Variants in MEI1 observed in about 807,000 individuals in gnomAD.
MEI1 encodes meiotic double-stranded break formation protein 1, also known as meiosis inhibitor protein 1.
MEI1 carries 103 observed loss-of-function variants against 146.2 expected under a neutral mutation model. That is an observed-to-expected ratio of 0.70 (90% CI 0.60 to 0.83). The LOEUF (loss-of-function observed/expected upper bound fraction) is 0.83. MEI1 is among the 40% of genes least tolerant of loss of function. The probability of loss-of-function intolerance (pLI) is 0.00; values close to 1 mark genes in which losing one functional copy is unlikely to be tolerated. For missense variants in MEI1, 1,529 were observed against 1,533.0 expected (o/e 1.00, Z 0.04); for synonymous variants, 652 against 628.2 (o/e 1.04, Z -0.57).
chr22:41,736,254 CTT>C (rs11308919), intron 11 of MEI1, among the ~76,000 whole-genome samples: 36 of 131,488 alleles, frequency 2.7e-4, no homozygotes, highest in South Asian at 9.4e-4. Context: ...TTTTCTTTTT[CTT>C]TTTTTTTTTT....
At chr22:41,736,335 T>C (rs2072363162) in intron 11 of MEI1, among the ~76,000 whole-genome samples, 2 of 151,604 alleles carry the variant, frequency 1.3e-5, no homozygotes, top group Admixed American at 6.6e-5. Flanking sequence ...CTGCAAGTTG[T>C]GCCTCCCGGG....
At position 41,778,787 on chromosome 22, in the gene MEI1, C is replaced by T. The variant is rs778688081; in HGVS notation, c.2790C>T (p.Ser930=). Residue 930 remains serine, a synonymous_variant, in exon 22 of 31, where the codon AGC becomes AGT. Coordinates refer to ENST00000401548, the MANE Select transcript of MEI1 (RefSeq NM_152513.4). The part of the protein sequence containing the change: ...LRNVSEQELD[S]VAMKLLHQVS... ...ATGTGTCAGAGCAAGAACTGGACAGCGTGGCCATGAAGCTCCTTCACCAAG... is the reference window on the plus strand; with the variant it reads ...ATGTGTCAGAGCAAGAACTGGACAGTGTGGCCATGAAGCTCCTTCACCAAG... 17 of 1,606,432 alleles carry T rather than the reference C, an allele frequency of 1.1e-5. No homozygotes were observed. Among genetic ancestry groups the T allele is most frequent in the South Asian group, 3.4e-5 (3 of 89,204 alleles).
intron 15 of MEI1, 59 bp downstream of exon 15, chr22:41,748,277 G>C: frequency 2.8e-6 from 3 of 1,083,434 alleles, no homozygotes; most frequent in Non-Finnish European, 4.3e-6. Flanking sequence ...GCAATGCTCA[G>C]AGAGTATTCA....
intron 6 of MEI1, among the ~76,000 whole-genome samples, chr22:41,721,879 C>G (rs936031316): frequency 6.6e-6 from 1 of 151,532 alleles, no homozygotes. Flanking sequence ...TGCTACCATG[C>G]CCGACTAATT....
chr22:41,704,405 A>G (rs1456408998), intron 2 of MEI1, among the ~76,000 whole-genome samples: 1 of 147,200 alleles, frequency 6.8e-6, no homozygotes, highest in Non-Finnish European at 1.5e-5. Context: ...CGCATTGACA[A>G]TTCTTACCCT....
chr22:41,758,216 A>G (rs754088384), intron 17 of MEI1, 149 bp from the exon 18 acceptor site: 44 of 613,948 alleles, frequency 7.2e-5, no homozygotes, highest in Non-Finnish European at 1.0e-4. Context: ...GCTCAAAGGA[A>G]GAGGAGCCTC....
chr22:41,710,505 A>T (rs577894216), intron 3 of MEI1, among the ~76,000 whole-genome samples: 1 of 152,342 alleles, frequency 6.6e-6, no homozygotes, highest in Admixed American at 6.5e-5. Context: ...TATATACCAC[A>T]TGGAAGATAG....
rs542600770 is a variant in MEI1, at chr22:41,779,947, C to T, written c.2815+1135C>T. Among the ~76,000 whole-genome samples the T allele has an allele frequency of 3.3e-5, 5 of 152,236 alleles. No individual in the cohort carries two copies. The South Asian group carries it at 1.0e-3, about 32-fold the overall frequency. ...TGACATGTCTTCAGTGTTTGTGGAC[C>T]CCCCAGCTCCTGTAGCCACAGGTGA... On this transcript the variant is annotated intron_variant, in intron 22 of 30. Coordinates refer to ENST00000401548, the MANE Select transcript of MEI1 (RefSeq NM_152513.4).
At chr22:41,799,145 C>A in intron 30 of MEI1, 109 bp from the exon 31 acceptor site, 1 of 953,394 alleles carries the variant, frequency 1.0e-6, no homozygotes, top group Non-Finnish European at 1.6e-6. Context: ...TTCTCAGGAG[C>A]ACTTCTGTTC....
At chr22:41,713,969 C>G in intron 3 of MEI1, 33 bp from the exon 4 acceptor site, 3 of 1,556,276 alleles carry the variant, frequency 1.9e-6, no homozygotes, top group Non-Finnish European at 2.6e-6. Context: ...TTGGGGGTGC[C>G]TCCTGGTTAG....
chr22:41,700,304 C>G (rs139520163), intron 1 of MEI1, among the ~76,000 whole-genome samples: 2 of 152,316 alleles, frequency 1.3e-5, no homozygotes, highest in East Asian at 1.9e-4. Flanking sequence ...CTGCCTGGGT[C>G]CTCATTGCCT....
chr22:41,743,006 T>C, intron 11 of MEI1, 74 bp from the exon 12 acceptor site: 1 of 1,020,954 alleles, frequency 9.8e-7, no homozygotes, highest in South Asian at 1.4e-5. Flanking sequence ...TGCCTCTCAT[T>C]GCCTGAGAAC....
intron 6 of MEI1, among the ~76,000 whole-genome samples, chr22:41,723,042 C>T (rs1168051306): frequency 6.6e-6 from 1 of 152,134 alleles, no homozygotes; most frequent in Non-Finnish European, 1.5e-5. Context: ...AATACTTCTC[C>T]CCACTTCACC....
intron 3 of MEI1, among the ~76,000 whole-genome samples, chr22:41,712,888 A>G (rs551011070): frequency 1.4e-5 from 2 of 147,998 alleles, no homozygotes; most frequent in South Asian, 4.3e-4. Flanking sequence ...GGCTCACTAC[A>G]AACTCCACCT....
At chr22:41,705,127 A>G (rs752923256) in intron 2 of MEI1, among the ~76,000 whole-genome samples, 9 of 151,450 alleles carry the variant, frequency 5.9e-5, no homozygotes, top group Admixed American at 5.9e-4. Flanking sequence ...AGAATTTACA[A>G]TGTGCCTGTG....
At chr22:41,728,023 G>A (rs191395042) in intron 7 of MEI1, among the ~76,000 whole-genome samples, 3 of 152,128 alleles carry the variant, frequency 2.0e-5, no homozygotes, top group South Asian at 2.1e-4. Context: ...TTCCAGGACC[G>A]CCGGCATATA....
chr22:41,717,032 C>T (rs902277403), intron 5 of MEI1, among the ~76,000 whole-genome samples: 12 of 151,932 alleles, frequency 7.9e-5, no homozygotes, highest in Non-Finnish European at 2.9e-5. Context: ...CTACTATGAA[C>T]CTTCCTTTTG....
At chr22:41,734,328 C>G (rs1010423807) in intron 11 of MEI1, among the ~76,000 whole-genome samples, 2 of 152,030 alleles carry the variant, frequency 1.3e-5, no homozygotes, top group African/African-American at 2.4e-5. Flanking sequence ...CGCGGTGGCT[C>G]ACGCCTATAA....
intron 19 of MEI1, chr22:41,767,648 C>T: frequency 2.2e-6 from 1 of 452,562 alleles, no homozygotes; most frequent in Non-Finnish European, 4.5e-6. Flanking sequence ...TTTTTATTTG[C>T]TTCTCAACAT....
Sources: gnomAD v4.1 joint callset for allele counts (sites outside exome capture counted in the v4.1 genomes callset) on GRCh38, gnomAD v4.1.1 for gene constraint, MANE v1.5 for transcripts, NCBI Gene and HGNC (gene_info 2026-07-23, HGNC 2026-07-21) for gene names.